MFF: variants seen among roughly 807,000 people sequenced by gnomAD.
MFF encodes chromosome 2 open reading frame 33.
Under a neutral mutation model 36.9 loss-of-function variants are expected in MFF, and 12 were observed. That is an observed-to-expected ratio of 0.33 (90% CI 0.21 to 0.53). The LOEUF (loss-of-function observed/expected upper bound fraction) is 0.53. Among genes scored for constraint, MFF ranks in the 20% least tolerant of loss-of-function variants. The pLI is 0.95. For missense variants in MFF, 348 were observed against 366.6 expected (o/e 0.95, Z 0.42); for synonymous variants, 99 against 126.2 (o/e 0.78, Z 1.44).
At chr2:227,333,834 C>T (rs917574805) in intron 4 of MFF, among the ~76,000 whole-genome samples, 2 of 152,140 alleles carry the variant, frequency 1.3e-5, no homozygotes, top group East Asian at 1.9e-4. Flanking sequence ...TTGTATTCTT[C>T]GGGTTTTTCT....
At chr2:227,331,075 G>C (rs1305515775) in intron 3 of MFF, among the ~76,000 whole-genome samples, 2 of 152,126 alleles carry the variant, frequency 1.3e-5, no homozygotes, top group African/African-American at 4.8e-5. Flanking sequence ...TTTTAAGTGT[G>C]TACTTGATGA....
intron 5 of MFF, among the ~76,000 whole-genome samples, chr2:227,345,764 A>T (rs1334994346): frequency 6.6e-6 from 1 of 152,154 alleles, no homozygotes; most frequent in Non-Finnish European, 1.5e-5. Context: ...GGATCAGTAG[A>T]TAATGTTGGC....
chr2:227,336,205 G>T (rs967859923), intron 4 of MFF, among the ~76,000 whole-genome samples: 2 of 152,200 alleles, frequency 1.3e-5, no homozygotes, highest in Non-Finnish European at 2.9e-5. Flanking sequence ...CAAAGATGTG[G>T]ACTCTGCCGT....
intron 3 of MFF, among the ~76,000 whole-genome samples, chr2:227,331,959 ATTTTTTT>A (rs10549336): frequency 0.038 from 2,877 of 75,578 alleles, 48 homozygotes; most frequent in East Asian, 0.13. Flanking sequence ...CGCTGGAAGC[ATTTTTTT>A]TTTTTTTTTT....
At chr2:227,355,898 GATTAAAGATAT>G in intron 8 of MFF, 137 bp downstream of exon 8, 1 of 570,988 alleles carries the variant, frequency 1.8e-6, no homozygotes, top group Non-Finnish European at 3.2e-6. Context: ...TTCTCATTTT[GATTAAAGATAT>G]ATTAAACTAC....
rs373243300 is a variant in MFF, at chr2:227,352,590, C to T, written c.659+17C>T. ...CAACGTCAGGTAAATTTTGAGACTT[C>T]GTAATTACCAGGGTAAATGCTTGGC... On this transcript the variant is annotated intron_variant, in intron 7 of 8. Transcript: ENST00000304593. 8 of 1,444,152 alleles carry T rather than the reference C, an allele frequency of 5.5e-6. No individual in the cohort carries two copies. The highest frequency in any genetic ancestry group is 1.8e-5 in the African/African-American group (1 of 54,320). 89.5% of individuals were successfully genotyped at this position (1,444,152 alleles called of 1,614,324 possible).
intron 5 of MFF, among the ~76,000 whole-genome samples, chr2:227,341,130 G>A (rs1263696653): frequency 6.6e-6 from 1 of 152,098 alleles, no homozygotes; most frequent in African/African-American, 2.4e-5. Context: ...AATCTAAATA[G>A]AAGCAAAGCA....
In MFF at chr2:227,332,492, G is replaced by A. The variant is rs746043030; in HGVS notation, c.255G>A (p.Leu85=). ...TTCAGTCAACTCCCTTTAAACCCCT[G>A]GCACTGAAAACACCACCTCGTGTAC... is the stretch of plus-strand genomic sequence containing the variant. ...DLIQSTPFKP[L]ALKTPPRVLT... is the part of the protein sequence containing the mutation. The change falls in exon 4 of 9, where the codon CTG becomes CTA. Residue 85 remains leucine, a synonymous_variant. Coordinates refer to ENST00000304593, the MANE Select transcript of MFF (RefSeq NM_001277062.2). 1.9e-6 allele frequency: 3 copies of A among 1,613,490 alleles called. No homozygotes were observed. The highest frequency in any genetic ancestry group is 4.5e-5 in the East Asian group (2 of 44,872).
At chr2:227,341,758 A>G (rs1329212333) in intron 5 of MFF, among the ~76,000 whole-genome samples, 3 of 152,102 alleles carry the variant, frequency 2.0e-5, no homozygotes, top group Non-Finnish European at 4.4e-5. Flanking sequence ...TTTTTGTAAC[A>G]TTATCCTAAG....
chr2:227,339,208 A>G (rs1318336732), intron 4 of MFF, among the ~76,000 whole-genome samples: 1 of 152,142 alleles, frequency 6.6e-6, no homozygotes, highest in Non-Finnish European at 1.5e-5. Flanking sequence ...TCTCAAAAAA[A>G]AAAAAAAAGG....
At chr2:227,333,909 A>G (rs901855138) in intron 4 of MFF, among the ~76,000 whole-genome samples, 2 of 152,196 alleles carry the variant, frequency 1.3e-5, no homozygotes, top group Non-Finnish European at 2.9e-5. Context: ...TTATTTTAAG[A>G]GTGAGTGAAG....
intron 3 of MFF, among the ~76,000 whole-genome samples, chr2:227,331,229 G>A (rs550378478): frequency 3.9e-5 from 6 of 152,242 alleles, no homozygotes; most frequent in African/African-American, 1.4e-4. Flanking sequence ...CCTTTCTATA[G>A]CCAGAGAATA....
chr2:227,339,228 A>G (rs556613882), intron 4 of MFF, among the ~76,000 whole-genome samples: 43 of 152,280 alleles, frequency 2.8e-4, no homozygotes, highest in African/African-American at 1.0e-3. Flanking sequence ...GTATTTTCAA[A>G]TAAGCAGAAA....
chr2:227,336,594 A>G (rs892443513), intron 4 of MFF, among the ~76,000 whole-genome samples: 4 of 152,204 alleles, frequency 2.6e-5, no homozygotes, highest in African/African-American at 9.6e-5. Context: ...TTTATACAGA[A>G]GCCATCAAAT....
intron 4 of MFF, 96 bp downstream of exon 4, chr2:227,332,684 C>A: frequency 1.2e-6 from 1 of 851,426 alleles, no homozygotes; most frequent in Non-Finnish European, 1.8e-6. Context: ...AGCAATATGT[C>A]ATGAAAGCTT....
chr2:227,349,157 A>G (rs1322687989), intron 6 of MFF, among the ~76,000 whole-genome samples: 2 of 152,254 alleles, frequency 1.3e-5, no homozygotes, highest in African/African-American at 4.8e-5. Context: ...ACAGTACATT[A>G]AAATTATATG....
intron 2 of MFF, chr2:227,329,956 A>G: frequency 2.1e-6 from 1 of 481,120 alleles, no homozygotes; most frequent in South Asian, 3.4e-5. Flanking sequence ...ATGATATTAA[A>G]TACAGATTAA....
intron 4 of MFF, among the ~76,000 whole-genome samples, chr2:227,336,981 T>C (rs1174816657): frequency 6.6e-6 from 1 of 152,212 alleles, no homozygotes; most frequent in East Asian, 1.9e-4. Context: ...ACTTCATGAA[T>C]ATGGGTCTGA....
At chr2:227,356,949 CTATAT>C (rs2076288193) in intron 8 of MFF, 32 bp from the exon 9 acceptor site, 2 of 1,541,020 alleles carry the variant, frequency 1.3e-6, no homozygotes, top group Non-Finnish European at 1.8e-6. Flanking sequence ...ATTAAAGCCT[CTATAT>C]TATATTTTTT....
Sources: allele counts gnomAD v4.1 joint callset (sites outside exome capture counted in the v4.1 genomes callset), GRCh38; gene constraint gnomAD v4.1.1; transcripts MANE v1.5; gene names NCBI Gene and HGNC (gene_info 2026-07-23, HGNC 2026-07-21).